The following PYGB variants were observed in gnomAD, a reference collection of about 807,000 sequenced individuals.
PYGB encodes glycogen phosphorylase B.
PYGB carries 82 observed loss-of-function variants against 94.3 expected under a neutral mutation model. The ratio of observed to expected loss-of-function variants is 0.87; its 90% CI spans 0.73 to 1.04. The LOEUF is 1.04. Ranked by LOEUF, PYGB falls within the 50% of genes least tolerant of loss-of-function variation. The pLI, the probability that PYGB is intolerant of heterozygous loss-of-function variation, is 0.00. For missense variants in PYGB, 1,132 were observed against 1,158.2 expected (o/e 0.98, Z 0.33); for synonymous variants, 488 against 479.1 (o/e 1.02, Z -0.24).
chr20:25,292,842 G>C (rs141590940), intron 17 of PYGB, among the ~76,000 whole-genome samples: 48 of 152,234 alleles, frequency 3.2e-4, no homozygotes, highest in African/African-American at 1.0e-3. Context: ...GGCTGCTCCT[G>C]TCTCGGCTCT....
At chr20:25,256,517 A>G (rs953025975) in intron 1 of PYGB, among the ~76,000 whole-genome samples, 5 of 152,098 alleles carry the variant, frequency 3.3e-5, no homozygotes, top group Non-Finnish European at 4.4e-5. Context: ...AACAAAAACA[A>G]AAACAAAAAA....
intron 4 of PYGB, 132 bp from the exon 5 acceptor site, chr20:25,274,460 G>A: frequency 1.6e-6 from 2 of 1,282,016 alleles, no homozygotes; most frequent in South Asian, 3.2e-5. Flanking sequence ...ATCCCGACCT[G>A]GTAAGTGGCT....
intron 11 of PYGB, 135 bp from the exon 12 acceptor site, chr20:25,281,898 G>A: frequency 1.5e-6 from 1 of 672,396 alleles, no homozygotes; most frequent in South Asian, 1.7e-5. Context: ...CGGTCACTCT[G>A]TTCTCCTTAG....
intron 16 of PYGB, among the ~76,000 whole-genome samples, chr20:25,292,023 C>T (rs1407380552): frequency 6.6e-6 from 1 of 152,182 alleles, no homozygotes; most frequent in Non-Finnish European, 1.5e-5. Context: ...TGAAAGGATC[C>T]AGGGAGCCGC....
chr20:25,290,101 C>G (rs779483851), intron 15 of PYGB, among the ~76,000 whole-genome samples: 6 of 152,226 alleles, frequency 3.9e-5, no homozygotes. Flanking sequence ...GTCTGTCCGC[C>G]GTAGCCTGGC....
intron 3 of PYGB, 117 bp downstream of exon 3, chr20:25,269,324 GC>G: frequency 1.4e-6 from 1 of 712,672 alleles, no homozygotes; most frequent in Non-Finnish European, 2.3e-6. Flanking sequence ...GAGTGGATGG[GC>G]CAGTGTGTTC....
At chr20:25,256,591 A>G (rs2092903262) in intron 1 of PYGB, among the ~76,000 whole-genome samples, 1 of 152,212 alleles carries the variant, frequency 6.6e-6, no homozygotes, top group Non-Finnish European at 1.5e-5. Context: ...CATGGTAGAA[A>G]GATCAATGGC....
intron 15 of PYGB, among the ~76,000 whole-genome samples, chr20:25,289,011 A>C (rs188113719): frequency 1.3e-5 from 2 of 152,328 alleles, no homozygotes; most frequent in Non-Finnish European, 2.9e-5. Flanking sequence ...TGTGGGGTGC[A>C]GCGTCCTTAG....
intron 11 of PYGB, among the ~76,000 whole-genome samples, chr20:25,281,441 C>CTG (rs2088366456): frequency 6.6e-6 from 1 of 152,244 alleles, no homozygotes; most frequent in Non-Finnish European, 1.5e-5. Flanking sequence ...CTGCCGCTGG[C>CTG]AGGGCTTGGA....
At chr20:25,289,766 ACT>A in intron 15 of PYGB, 1 of 515,788 alleles carries the variant, frequency 1.9e-6, no homozygotes, top group Non-Finnish European at 4.0e-6. Context: ...AACTGCAGAC[ACT>A]CTAGCTCTTC....
chr20:25,265,961 G>A (rs912465801), intron 2 of PYGB, among the ~76,000 whole-genome samples: 1 of 152,100 alleles, frequency 6.6e-6, no homozygotes, highest in Admixed American at 6.6e-5. Flanking sequence ...TCAGATATGT[G>A]ATTTGTGGAT....
Position 25,280,425 on chromosome 20 carries a change from C to G in PYGB, c.1239+13C>G. 6.2e-7 allele frequency: 1 copy of G among 1,613,582 alleles called. No individual in the cohort carries two copies. Among genetic ancestry groups the G allele is most frequent in the Non-Finnish European group, 8.5e-7 (1 of 1,179,764 alleles). On this transcript the variant is annotated intron_variant, in intron 10 of 19. Transcript: ENST00000216962. ...GCGGCACCTGGACGTGAGTGTGGGCCCAGCTGGCCGTGTAGGGTGGCGGCT... is the reference window on the plus strand; with the variant it reads ...GCGGCACCTGGACGTGAGTGTGGGCGCAGCTGGCCGTGTAGGGTGGCGGCT...
chr20:25,271,348 T>C, intron 3 of PYGB, 35 bp from the exon 4 acceptor site: 1 of 1,604,096 alleles, frequency 6.2e-7, no homozygotes, highest in Non-Finnish European at 8.5e-7. Context: ...GTGCCGTGCC[T>C]TTGATTCTGA....
intron 2 of PYGB, among the ~76,000 whole-genome samples, 160 bp downstream of exon 2, chr20:25,259,498 C>T (rs941706116): frequency 6.6e-6 from 1 of 152,104 alleles, no homozygotes; most frequent in Non-Finnish European, 1.5e-5. Context: ...AATGGGTTGG[C>T]GGGGCTGCTC....
At chr20:25,278,988 G>A (rs894404824) in intron 8 of PYGB, 69 bp from the exon 9 acceptor site, 46 of 1,469,484 alleles carry the variant, frequency 3.1e-5, no homozygotes, top group African/African-American at 9.7e-5. Flanking sequence ...GGGGAGCTTC[G>A]TATGCCAACA....
intron 12 of PYGB, among the ~76,000 whole-genome samples, chr20:25,282,445 C>G (rs1024626310): frequency 6.6e-6 from 1 of 152,244 alleles, no homozygotes; most frequent in South Asian, 2.1e-4. Context: ...AGCTGACTGC[C>G]AGCTAGGCTG....
intron 1 of PYGB, among the ~76,000 whole-genome samples, chr20:25,248,727 C>G (rs374787854): frequency 6.9e-6 from 1 of 144,118 alleles, no homozygotes; most frequent in African/African-American, 2.9e-5. Context: ...CTCTTTCTGG[C>G]CGTGCGCTTC....
At chr20:25,265,663 C>T (rs1360582595) in intron 2 of PYGB, among the ~76,000 whole-genome samples, 3 of 146,894 alleles carry the variant, frequency 2.0e-5, no homozygotes, top group Non-Finnish European at 3.0e-5. Flanking sequence ...GGCGTGATCT[C>T]GGCTCACTGC....
chr20:25,292,433 A>C lies in PYGB; in HGVS notation c.1997A>C (p.Gln666Pro), dbSNP rs1200619420. 1.9e-6 allele frequency: 3 copies of C among 1,613,286 alleles called. No individual in the cohort carries two copies. Among genetic ancestry groups the C allele is most frequent in the Non-Finnish European group, 2.5e-6 (3 of 1,180,018 alleles). ...ATCCCGGCCGCTGATCTGTCGCAGC[A>C]GATCTCCACTGCAGGCACCGAGGCC... Reference protein sequence around the residue: ...KVIPAADLSQQISTAGTEASG... With the variant: ...KVIPAADLSQPISTAGTEASG... The change falls in exon 17 of 20, where the codon CAG becomes CCG. Residue 666 changes from glutamine to proline, a missense_variant. Physicochemically the swap from Gln to Pro is moderately conservative, Grantham distance 76. Transcript: ENST00000216962.
Sources: allele counts gnomAD v4.1 joint callset (sites outside exome capture counted in the v4.1 genomes callset), GRCh38; gene constraint gnomAD v4.1.1; transcripts MANE v1.5; gene names NCBI Gene and HGNC (gene_info 2026-07-23, HGNC 2026-07-21).